The following POGLUT2 variants were observed in gnomAD, a reference collection of about 807,000 sequenced individuals.
POGLUT2 encodes the protein protein O-glucosyltransferase 2.
A neutral mutation model predicts 57.6 loss-of-function variants in POGLUT2; 47 were observed. That is an observed-to-expected ratio of 0.82 (90% CI 0.65 to 1.04). POGLUT2 has a LOEUF of 1.04. Ranked by LOEUF, POGLUT2 falls within the 50% of genes least tolerant of loss-of-function variation. The probability of loss-of-function intolerance (pLI) is 0.00; values close to 1 mark genes in which losing one functional copy is unlikely to be tolerated. For missense variants in POGLUT2, 565 were observed against 614.8 expected (o/e 0.92, Z 0.86); for synonymous variants, 200 against 218.8 (o/e 0.91, Z 0.76).
At chr13:102,793,569 AAAAC>A (rs768906813) in intron 3 of POGLUT2, 28 bp downstream of exon 3, 18 of 1,581,720 alleles carry the variant, frequency 1.1e-5, no homozygotes, top group Non-Finnish European at 1.6e-5. Context: ...AAAAATCACT[AAAAC>A]AAACAAGCAA....
In POGLUT2 at chr13:102,786,276, G is replaced by A; in HGVS notation, c.1447C>T (p.Gln483Ter). 1 of 1,613,978 alleles carries A rather than the reference G, an allele frequency of 6.2e-7. No homozygotes were observed. Among genetic ancestry groups the A allele is most frequent in the Non-Finnish European group, 8.5e-7 (1 of 1,179,840 alleles). The stretch of plus-strand genomic sequence containing the variant: ...CAAGGGAAGAGGTCGTCCTCAGTCT[G>A]TGGTTCTACCCTTTTCATGCCCTCT... ...IREGMKRVEP[Q>*]TEDDLFPCTC... The change falls in exon 9 of 10, where the codon CAG becomes TAG. Residue 483 changes from glutamine (Q) to a stop codon, truncating the protein, a stop_gained. Transcript: ENST00000376004. LOFTEE classifies it high-confidence loss of function.
Position 102,798,511 on chromosome 13 carries a change from C to T in POGLUT2, c.160G>A (p.Ala54Thr), listed in dbSNP as rs1878533566. Residue 54 changes from alanine (A) to threonine (T), a missense_variant, in exon 1 of 10, where the codon GCA (alanine) becomes ACA (threonine). Physicochemically the swap from Ala to Thr is moderately conservative, Grantham distance 58. Coordinates refer to ENST00000376004, the MANE Select transcript of POGLUT2 (RefSeq NM_024089.3). ...TACTTATTCCCTGATGTATCCACTG[C>T]CTGAATATAGAAATAGCGGGCGGGA... is the stretch of plus-strand genomic sequence containing the variant. ...VLPARYFYIQAVDTSGNKFTS... is the reference protein window; with the variant it reads ...VLPARYFYIQTVDTSGNKFTS... 1 of 1,610,860 alleles carries T rather than the reference C, an allele frequency of 6.2e-7. No homozygotes were observed. Among genetic ancestry groups the T allele is most frequent in the Non-Finnish European group, 8.5e-7 (1 of 1,178,536 alleles).
At position 102,791,323 on chromosome 13, in the gene POGLUT2, T is replaced by G. The variant is rs1475784758; in HGVS notation, c.780A>C (p.Thr260=). The change falls in exon 5 of 10, where the codon ACA becomes ACC. Residue 260 remains threonine, a synonymous_variant. Transcript: ENST00000376004. ...IHPIFSWCGS[T]DSKDIVMPTY... ...TAGGCATCACGATATCCTTGGAATCTGTGGAGCCACACCAGGAAAAGATCG... is the reference window on the plus strand; with the variant it reads ...TAGGCATCACGATATCCTTGGAATCGGTGGAGCCACACCAGGAAAAGATCG... 6.2e-7 allele frequency: 1 copy of G among 1,611,996 alleles called. No homozygotes were observed. The highest frequency in any genetic ancestry group is 2.2e-5 in the East Asian group (1 of 44,876).
chr13:102,787,945 A>C (rs1878017419), intron 7 of POGLUT2, 22 bp from the exon 8 acceptor site: 1 of 1,479,722 alleles, frequency 6.8e-7, no homozygotes, highest in Non-Finnish European at 9.4e-7. Flanking sequence ...ACAACGACAA[A>C]ATCCTGTAAT....
chr13:102,796,695 A>AT (rs1251600965), intron 2 of POGLUT2, 109 bp downstream of exon 2: 3,352 of 147,602 alleles, frequency 0.023, 41 homozygotes, highest in African/African-American at 0.035. Context: ...AAAAAAAAAA[A>AT]AAAAATATAT....
intron 8 of POGLUT2, among the ~76,000 whole-genome samples, chr13:102,787,329 G>T (rs995489623): frequency 6.6e-6 from 1 of 152,152 alleles, no homozygotes; most frequent in Admixed American, 6.5e-5. Context: ...TTACAGGTGT[G>T]AGCCACCGCA....
Position 102,786,251 on chromosome 13 carries a change from C to A in POGLUT2, c.1472G>T (p.Cys491Phe). ...EPQTEDDLFP[C>F]TCHRKKTKDE... ...GGTTACCTTTTTCCTATGGCAAGTA[C>A]AAGGGAAGAGGTCGTCCTCAGTCTG... Residue 491 changes from cysteine (C) to phenylalanine (F), a missense_variant, in exon 9 of 10, where the codon TGT becomes TTT. Coordinates refer to ENST00000376004, the MANE Select transcript of POGLUT2 (RefSeq NM_024089.3). 6.2e-7 allele frequency: 1 copy of A among 1,612,458 alleles called. No individual in the cohort carries two copies. The highest frequency in any genetic ancestry group is 8.5e-7 in the Non-Finnish European group (1 of 1,178,440).
At chr13:102,795,921 C>T (rs1424068457) in intron 2 of POGLUT2, among the ~76,000 whole-genome samples, 2 of 152,220 alleles carry the variant, frequency 1.3e-5, no homozygotes, top group African/African-American at 4.8e-5. Flanking sequence ...ACACTGCTTC[C>T]CTACTGTCTT....
At chr13:102,797,752 A>C (rs1017446780) in intron 1 of POGLUT2, among the ~76,000 whole-genome samples, 30 of 151,958 alleles carry the variant, frequency 2.0e-4, no homozygotes, top group Non-Finnish European at 7.4e-5. Flanking sequence ...AAAAAAAAAA[A>C]ACTCACGCTC....
Position 102,791,280 on chromosome 13 carries a change from A to C in POGLUT2, c.823T>G (p.Ser275Ala). 6.2e-7 allele frequency: 1 copy of C among 1,606,730 alleles called. No homozygotes were observed. The highest frequency in any genetic ancestry group is 8.5e-7 in the Non-Finnish European group (1 of 1,177,924). The change falls in exon 5 of 10, where the codon TCT (serine) becomes GCT (alanine). Residue 275 changes from serine to alanine, a missense_variant. Physicochemically the swap from Ser to Ala is moderately conservative, Grantham distance 99. Coordinates refer to ENST00000376004, the MANE Select transcript of POGLUT2 (RefSeq NM_024089.3). ...IVMPTYDLTD[S>A]VLETMGRVSL... ...CACCGGCCCATGGTTTCCAGAACAG[A>C]ATCAGTCAAATCGTACGTAGGCATC...
intron 6 of POGLUT2, 119 bp downstream of exon 6, chr13:102,790,782 C>G: frequency 1.4e-6 from 1 of 716,134 alleles, no homozygotes; most frequent in South Asian, 1.8e-5. Context: ...AATATTCGCT[C>G]AATTTTGTGC....
At chr13:102,797,171 AT>A (rs546788525) in intron 1 of POGLUT2, among the ~76,000 whole-genome samples, 162 bp from the exon 2 acceptor site, 115 of 152,328 alleles carry the variant, frequency 7.5e-4, no homozygotes, top group African/African-American at 2.6e-3. Flanking sequence ...AATGAATATG[AT>A]GGATCAGAGA....
At chr13:102,788,559 T>G (rs964849923) in intron 7 of POGLUT2, among the ~76,000 whole-genome samples, 2 of 152,202 alleles carry the variant, frequency 1.3e-5, no homozygotes, top group Admixed American at 6.5e-5. Flanking sequence ...TGGTCTCGGC[T>G]CACTGCAACC....
intron 2 of POGLUT2, among the ~76,000 whole-genome samples, chr13:102,795,765 T>C (rs1418708249): frequency 6.6e-6 from 1 of 152,128 alleles, no homozygotes; most frequent in African/African-American, 2.4e-5. Flanking sequence ...CAGGCTGTAC[T>C]GGCAGAATGT....
In POGLUT2 at chr13:102,789,170, A is replaced by G; in HGVS notation, c.1135T>C (p.Tyr379His). Residue 379 changes from tyrosine to histidine, a missense_variant, in exon 7 of 10, where the codon TAT (tyrosine) becomes CAT (histidine). Physicochemically the swap from Tyr to His is moderately conservative, Grantham distance 83. Coordinates refer to ENST00000376004, the MANE Select transcript of POGLUT2 (RefSeq NM_024089.3). ...DGTVAAYRLP[Y>H]LLVGDSVVLK... ...ACAACACTGTCACCAACTAGCAAATATGGCAGGCGATAAGCTGCTACAGTG... is the reference window on the plus strand; with the variant it reads ...ACAACACTGTCACCAACTAGCAAATGTGGCAGGCGATAAGCTGCTACAGTG... 2 of 1,614,162 alleles carry G rather than the reference A, an allele frequency of 1.2e-6. No individual in the cohort carries two copies. Among genetic ancestry groups the G allele is most frequent in the Non-Finnish European group, 1.7e-6 (2 of 1,179,998 alleles).
At chr13:102,793,133 T>C (rs1034454733) in intron 4 of POGLUT2, 1 of 503,762 alleles carries the variant, frequency 2.0e-6, no homozygotes, top group Non-Finnish European at 3.5e-6. Flanking sequence ...ATTTCTGTTA[T>C]TTTAAGGCTT....
intron 6 of POGLUT2, among the ~76,000 whole-genome samples, chr13:102,789,846 C>T (rs554899412): frequency 6.6e-6 from 1 of 152,340 alleles, no homozygotes; most frequent in East Asian, 1.9e-4. Context: ...GATCTGCCTG[C>T]CTCAGCCTCC....
chr13:102,796,293 C>CAAAAAAAAAAAAAAAAAAAAA (rs151064207), intron 2 of POGLUT2, among the ~76,000 whole-genome samples: 4 of 100,736 alleles, frequency 4.0e-5, no homozygotes, highest in African/African-American at 1.1e-4. Flanking sequence ...GACTCTGCCT[C>CAAAAAAAAAAAAAAAAAAAAA]AAAAAAAAAA....
chr13:102,796,110 C>T (rs939126332), intron 2 of POGLUT2, among the ~76,000 whole-genome samples: 16 of 151,912 alleles, frequency 1.1e-4, no homozygotes, highest in Non-Finnish European at 2.2e-4. Context: ...TCCTGGTCAA[C>T]ATGGTGAAAT....
Sources: allele counts gnomAD v4.1 joint callset (sites outside exome capture counted in the v4.1 genomes callset), GRCh38; gene constraint gnomAD v4.1.1; transcripts MANE v1.5; gene names NCBI Gene and HGNC (gene_info 2026-07-23, HGNC 2026-07-21).